The following SLC8A3 variants were observed in gnomAD, a reference collection of about 807,000 sequenced individuals.
The protein encoded by SLC8A3 is solute carrier family 8 member A3.
A neutral mutation model predicts 65.4 loss-of-function variants in SLC8A3; 37 were observed. The ratio of observed to expected loss-of-function variants is 0.57; its 90% confidence interval spans 0.44 to 0.74. The LOEUF (loss-of-function observed/expected upper bound fraction) is 0.74. Ranked by LOEUF, SLC8A3 falls within the 30% of genes least tolerant of loss-of-function variation. SLC8A3 has a pLI of 0.00. For missense variants in SLC8A3, 1,112 were observed against 1,172.1 expected (o/e 0.95, Z 0.75); for synonymous variants, 461 against 444.5 (o/e 1.04, Z -0.47).
intron 3 of SLC8A3, among the ~76,000 whole-genome samples, chr14:70,057,307 T>C (rs1888248271): frequency 6.6e-6 from 1 of 151,286 alleles, no homozygotes; most frequent in African/African-American, 2.4e-5. Flanking sequence ...GATAGATAGA[T>C]AGATAGATAG....
chr14:70,060,678 A>C, intron 3 of SLC8A3, 158 bp downstream of exon 3: 1 of 756,318 alleles, frequency 1.3e-6, no homozygotes. Flanking sequence ...GAGGGAAAAG[A>C]ATAAAAAAAT....
Position 70,170,109 on chromosome 14 carries a change from A to G in SLC8A3, c.-62-1625T>C, listed in dbSNP as rs534355449. Among the ~76,000 whole-genome samples the G allele has an allele frequency of 3.3e-5, 5 of 152,254 alleles. No homozygotes were observed. In the East Asian group the frequency reaches 9.6e-4, roughly 29 times the overall value. On this transcript the variant is annotated intron_variant, in intron 1 of 6. Coordinates refer to ENST00000356921, the MANE Select transcript of SLC8A3 (RefSeq NM_182932.3). ...GCCACCGTAATCTTTTTTTAAAAAA[A>G]CAAACAAACAGACTTAAGCATATCG...
Position 70,166,636 on chromosome 14 carries a change from T to C in SLC8A3, c.1784+3A>G, listed in dbSNP as rs759285838. The C allele has an allele frequency of 6.4e-7, 1 of 1,555,826 alleles. No homozygotes were observed. Among genetic ancestry groups the C allele is most frequent in the African/African-American group, 1.4e-5 (1 of 73,582 alleles). On this transcript the variant is annotated splice_donor_region_variant and intron_variant, in intron 2 of 6. Coordinates refer to ENST00000356921, the MANE Select transcript of SLC8A3 (RefSeq NM_182932.3). ...AGGGGCAGAATACAGGAAGGTTACTTACACAGTTTCATCATTCTTGAATTC... is the reference window on the plus strand; with the variant it reads ...AGGGGCAGAATACAGGAAGGTTACTCACACAGTTTCATCATTCTTGAATTC...
At chr14:70,055,609 C>T (rs1347755697) in intron 3 of SLC8A3, among the ~76,000 whole-genome samples, 1 of 152,190 alleles carries the variant, frequency 6.6e-6, no homozygotes, top group African/African-American at 2.4e-5. Context: ...AAGGAATTGC[C>T]TTCCTCACAA....
Position 70,167,880 on chromosome 14 carries a change from G to T in SLC8A3, c.543C>A (p.Ile181=), listed in dbSNP as rs1897272460. 7 of 1,614,050 alleles carry T rather than the reference G, an allele frequency of 4.3e-6. No homozygotes were observed. Among genetic ancestry groups the T allele is most frequent in the Non-Finnish European group, 5.9e-6 (7 of 1,180,050 alleles). ...GGATCACGTAGACACAGATGCCAATGATGATGAACATGTTGAAGGCTGCAC... is the reference window on the plus strand; with the variant it reads ...GGATCACGTAGACACAGATGCCAATTATGATGAACATGTTGAAGGCTGCAC... ...VGSAAFNMFI[I]IGICVYVIPD... Residue 181 remains isoleucine (I), a synonymous_variant, in exon 2 of 7, where the codon ATC becomes ATA. Coordinates refer to ENST00000356921, the MANE Select transcript of SLC8A3 (RefSeq NM_182932.3).
chr14:70,144,591 T>C (rs1409341628), intron 2 of SLC8A3, among the ~76,000 whole-genome samples: 1 of 149,538 alleles, frequency 6.7e-6, no homozygotes, highest in African/African-American at 2.5e-5. Flanking sequence ...ATCATGCCAC[T>C]GCACTTCCAG....
chr14:70,157,454 T>C (rs1263395758), intron 2 of SLC8A3, among the ~76,000 whole-genome samples: 1 of 151,950 alleles, frequency 6.6e-6, no homozygotes, highest in East Asian at 1.9e-4. Flanking sequence ...GTCTTTGACA[T>C]GACCAGGTTA....
chr14:70,050,528 A>AT (rs1339591508), intron 5 of SLC8A3, among the ~76,000 whole-genome samples: 1 of 152,076 alleles, frequency 6.6e-6, no homozygotes, highest in Non-Finnish European at 1.5e-5. Context: ...ATGCCGAGGG[A>AT]GGGGTATGGA....
chr14:70,113,494 G>A (rs1408231801), intron 2 of SLC8A3, among the ~76,000 whole-genome samples: 2 of 152,188 alleles, frequency 1.3e-5, no homozygotes, highest in African/African-American at 2.4e-5. Flanking sequence ...ACCAGTACAC[G>A]CAGGAGAAAG....
chr14:70,103,450 T>C (rs978321300), intron 2 of SLC8A3, among the ~76,000 whole-genome samples: 2 of 152,060 alleles, frequency 1.3e-5, no homozygotes, highest in Non-Finnish European at 2.9e-5. Flanking sequence ...AAAAAGATTA[T>C]AACACTCTAT....
At chr14:70,138,584 G>C (rs1024694898) in intron 2 of SLC8A3, among the ~76,000 whole-genome samples, 31 of 152,214 alleles carry the variant, frequency 2.0e-4, no homozygotes, top group African/African-American at 7.5e-4. Context: ...GTTCCTGGAA[G>C]GTGTGGACTC....
chr14:70,055,553 G>A (rs1276719717), intron 3 of SLC8A3, among the ~76,000 whole-genome samples: 1 of 152,118 alleles, frequency 6.6e-6, no homozygotes. Flanking sequence ...GTCCCAGAGA[G>A]GATCAGCTAT....
intron 2 of SLC8A3, among the ~76,000 whole-genome samples, chr14:70,103,589 AT>A (rs1406126366): frequency 6.6e-6 from 1 of 152,064 alleles, no homozygotes; most frequent in African/African-American, 2.4e-5. Flanking sequence ...TGATTTCTAA[AT>A]TGTCTGTGGT....
intron 2 of SLC8A3, among the ~76,000 whole-genome samples, chr14:70,123,802 G>A (rs1365186263): frequency 6.6e-6 from 1 of 152,146 alleles, no homozygotes; most frequent in Admixed American, 6.5e-5. Context: ...ACAAAGTAGT[G>A]TTATCCAACA....
intron 2 of SLC8A3, among the ~76,000 whole-genome samples, chr14:70,097,745 C>G (rs554933840): frequency 6.6e-6 from 1 of 152,198 alleles, no homozygotes; most frequent in South Asian, 2.1e-4. Context: ...CACACACACT[C>G]CAACAATCCA....
At chr14:70,145,355 A>G (rs1895863183) in intron 2 of SLC8A3, among the ~76,000 whole-genome samples, 1 of 152,222 alleles carries the variant, frequency 6.6e-6, no homozygotes, top group African/African-American at 2.4e-5. Context: ...ATATACCTCC[A>G]TTATTAAATT....
chr14:70,154,604 G>T (rs568781007), intron 2 of SLC8A3, among the ~76,000 whole-genome samples: 2 of 152,292 alleles, frequency 1.3e-5, no homozygotes, highest in African/African-American at 4.8e-5. Flanking sequence ...CATGCAGTAG[G>T]AAAGGTATAG....
chr14:70,109,615 G>A (rs895364600), intron 2 of SLC8A3, among the ~76,000 whole-genome samples: 1 of 151,678 alleles, frequency 6.6e-6, no homozygotes, highest in African/African-American at 2.4e-5. Context: ...CACCACAACT[G>A]GCTAATTTTT....
chr14:70,152,258 A>T (rs1896316382), intron 2 of SLC8A3, among the ~76,000 whole-genome samples: 1 of 152,156 alleles, frequency 6.6e-6, no homozygotes, highest in Non-Finnish European at 1.5e-5. Context: ...AATTAAGGCA[A>T]CTTCCCCCAA....
Sources: gnomAD v4.1 joint callset for allele counts (sites outside exome capture counted in the v4.1 genomes callset) on GRCh38, gnomAD v4.1.1 for gene constraint, MANE v1.5 for transcripts, NCBI Gene and HGNC (gene_info 2026-07-23, HGNC 2026-07-21) for gene names.